Variants in MACROH2A2 observed in about 807,000 individuals in gnomAD.
The protein encoded by MACROH2A2 is core histone macro-H2A.2.
Under a neutral mutation model 37.6 loss-of-function variants are expected in MACROH2A2, and 6 were observed. That is an observed-to-expected ratio of 0.16 (90% CI 0.09 to 0.32). The LOEUF (loss-of-function observed/expected upper bound fraction) is 0.32. MACROH2A2 is among the 10% of genes least tolerant of loss of function. The pLI is 1.00. For synonymous variants in MACROH2A2, 192 were observed against 202.7 expected (o/e 0.95, Z 0.45); for missense variants, 290 against 485.9 (o/e 0.60, Z 3.79).
intron 1 of MACROH2A2, among the ~76,000 whole-genome samples, chr10:70,069,254 A>G (rs1462997350): frequency 6.6e-6 from 1 of 152,182 alleles, no homozygotes; most frequent in African/African-American, 2.4e-5. Flanking sequence ...CAGCACACAC[A>G]AGACCAACGA....
At position 70,075,765 on chromosome 10, in the gene MACROH2A2, C is replaced by T. The variant is rs907364225; in HGVS notation, c.107C>T (p.Thr36Met). The T allele has an allele frequency of 3.1e-6, 5 of 1,613,818 alleles. No individual in the cohort carries two copies. Among genetic ancestry groups the T allele is most frequent in the African/African-American group, 1.3e-5 (1 of 74,896 alleles). Residue 36 changes from threonine to methionine, a missense_variant, in exon 2 of 9, where the codon ACG (threonine) becomes ATG (methionine). Physicochemically the swap from Thr to Met is moderately conservative, Grantham distance 81. Around this residue, in one of 3 missense-constraint regions of MACROH2A2, gnomAD observed 83 missense variants for 159.9 expected, o/e 0.52. Transcript: ENST00000373255. This position sits in a 1 kb window ranked among gnomAD's most constrained non-coding sequence, Gnocchi z 5.0. The part of the protein sequence containing the change: ...GRLMRYLKKG[T>M]FKYRISVGAP... ...CTGATGCGTTATCTGAAGAAAGGGACGTTCAAGTACCGGATCAGCGTGGGC... is the reference window on the plus strand; with the variant it reads ...CTGATGCGTTATCTGAAGAAAGGGATGTTCAAGTACCGGATCAGCGTGGGC...
chr10:70,091,477 A>G (rs2072244313), intron 3 of MACROH2A2, among the ~76,000 whole-genome samples: 1 of 152,064 alleles, frequency 6.6e-6, no homozygotes, highest in Non-Finnish European at 1.5e-5. Context: ...GCCGTTCGAG[A>G]CCAGCCTGGC....
intron 1 of MACROH2A2, among the ~76,000 whole-genome samples, chr10:70,069,728 G>A (rs1016090782): frequency 6.6e-6 from 1 of 151,712 alleles, no homozygotes; most frequent in African/African-American, 2.4e-5. Context: ...ATATTAGCCT[G>A]AAGAAAACAA....
At chr10:70,090,511 ACT>A (rs2072237989) in intron 3 of MACROH2A2, among the ~76,000 whole-genome samples, 1 of 152,012 alleles carries the variant, frequency 6.6e-6, no homozygotes, top group Non-Finnish European at 1.5e-5. Context: ...AAGGCAGAAG[ACT>A]CTTTATATTT....
intron 1 of MACROH2A2, among the ~76,000 whole-genome samples, chr10:70,056,385 C>T (rs540274264): frequency 6.6e-6 from 1 of 152,296 alleles, no homozygotes; most frequent in East Asian, 1.9e-4. Flanking sequence ...GTAGCTGGGA[C>T]TACAAGCTTG....
intron 2 of MACROH2A2, among the ~76,000 whole-genome samples, chr10:70,077,379 C>T (rs1264285433): frequency 2.0e-5 from 3 of 151,418 alleles, no homozygotes; most frequent in Non-Finnish European, 2.9e-5. Flanking sequence ...ACCAGCCTGG[C>T]CAATATGGTG....
At chr10:70,085,924 C>A (rs1374177147) in intron 2 of MACROH2A2, among the ~76,000 whole-genome samples, 1 of 152,130 alleles carries the variant, frequency 6.6e-6, no homozygotes. Context: ...TTTTATAGTT[C>A]ATGGGACTAT....
At chr10:70,085,274 C>A (rs1032468264) in intron 2 of MACROH2A2, among the ~76,000 whole-genome samples, 1 of 152,134 alleles carries the variant, frequency 6.6e-6, no homozygotes, top group Admixed American at 6.6e-5. Context: ...ACCTGTGAAG[C>A]CCCCAGGTGA....
At chr10:70,096,379 C>A (rs1451948961) in intron 6 of MACROH2A2, among the ~76,000 whole-genome samples, 1 of 152,114 alleles carries the variant, frequency 6.6e-6, no homozygotes, top group Non-Finnish European at 1.5e-5. Context: ...AATAGTGCTA[C>A]TATAAATATT....
At chr10:70,108,666 C>T (rs150773919) in intron 7 of MACROH2A2, among the ~76,000 whole-genome samples, 366 of 152,272 alleles carry the variant, frequency 2.4e-3, no homozygotes, top group Non-Finnish European at 3.7e-3. Flanking sequence ...GGGAGGAGGA[C>T]GTGGATGTTT....
rs1246931215 is a variant in MACROH2A2 at position 70,091,757 on chromosome 10, C to T, written c.280C>T (p.Leu94=). 6 of 1,612,036 alleles carry T rather than the reference C, an allele frequency of 3.7e-6. No individual in the cohort carries two copies. The South Asian group carries it at 5.5e-5, about 15-fold the overall frequency. ...AVANDEELNQ[L]LKGVTIASGG... ...TGAGCGCATGCATTTCTCTCTTCAG[C>T]TGCTAAAAGGAGTGACCATCGCCAG... is the stretch of plus-strand genomic sequence containing the variant. Residue 94 remains leucine (L), a splice_region_variant and synonymous_variant, in exon 4 of 9, where the codon CTG becomes TTG. Coordinates refer to ENST00000373255, the MANE Select transcript of MACROH2A2 (RefSeq NM_018649.3).
intron 7 of MACROH2A2, among the ~76,000 whole-genome samples, chr10:70,105,652 T>G (rs16927300): frequency 0.07 from 10,707 of 151,876 alleles, 545 homozygotes; most frequent in East Asian, 0.22. Flanking sequence ...TTTAAGGACC[T>G]TGGCTCCAGC....
intron 3 of MACROH2A2, among the ~76,000 whole-genome samples, chr10:70,090,887 A>T (rs1393398823): frequency 2.6e-5 from 4 of 152,260 alleles, no homozygotes; most frequent in African/African-American, 9.6e-5. Context: ...GGTAACTACC[A>T]GTTCATGGGT....
Position 70,075,793 on chromosome 10 carries a change from C to G in MACROH2A2, c.135C>G (p.Ala45=), listed in dbSNP as rs750381701. The change falls in exon 2 of 9, where the codon GCC becomes GCG. Residue 45 remains alanine (A), a synonymous_variant. Coordinates refer to ENST00000373255, the MANE Select transcript of MACROH2A2 (RefSeq NM_018649.3). The surrounding 1 kb of genome is among the most constrained non-coding windows in gnomAD (Gnocchi z 5.0). ...GTFKYRISVG[A]PVYMAAVIEY... is the part of the protein sequence containing the mutation. ...TCAAGTACCGGATCAGCGTGGGCGC[C>G]CCTGTCTACATGGCGGCAGTCATTG... The G allele has an allele frequency of 3.7e-6, 6 of 1,613,696 alleles. No homozygotes were observed. The highest frequency in any genetic ancestry group is 5.1e-6 in the Non-Finnish European group (6 of 1,180,026).
chr10:70,074,674 C>T (rs1326519404), intron 1 of MACROH2A2, among the ~76,000 whole-genome samples: 1 of 152,124 alleles, frequency 6.6e-6, no homozygotes, highest in Non-Finnish European at 1.5e-5. Context: ...ATAAGTCTCA[C>T]GAGATCTGAT....
In MACROH2A2 at chr10:70,111,292, A is replaced by T. The variant is rs561271188; in HGVS notation, c.954-226A>T. On this transcript the variant is annotated intron_variant, in intron 8 of 8. Coordinates refer to ENST00000373255, the MANE Select transcript of MACROH2A2 (RefSeq NM_018649.3). The stretch of plus-strand genomic sequence containing the variant: ...CCAAAACAAATAAATTAATTTAATC[A>T]AATTAAATCATTGTGCCTCTCCGAG... Among the ~76,000 whole-genome samples the T allele has an allele frequency of 1.2e-3, 183 of 152,258 alleles. 1 individual carries two copies. Among genetic ancestry groups the T allele is most frequent in the African/African-American group, 4.1e-3 (169 of 41,560 alleles).
chr10:70,073,055 G>A (rs979640164), intron 1 of MACROH2A2, among the ~76,000 whole-genome samples: 10 of 152,126 alleles, frequency 6.6e-5, no homozygotes, highest in Admixed American at 6.5e-4. Context: ...GGTCATTGTG[G>A]GGTGCATGAC....
intron 1 of MACROH2A2, among the ~76,000 whole-genome samples, chr10:70,056,966 T>G (rs2072021995): frequency 6.6e-6 from 1 of 152,102 alleles, no homozygotes; most frequent in Non-Finnish European, 1.5e-5. Context: ...AGGAGTGTAG[T>G]GAAATCTTGA....
intron 2 of MACROH2A2, among the ~76,000 whole-genome samples, chr10:70,083,951 G>T (rs753747373): frequency 3.3e-5 from 5 of 151,860 alleles, no homozygotes; most frequent in Admixed American, 6.6e-5. Flanking sequence ...GTAGCGTTTT[G>T]TATGTGCTGA....
Sources: gnomAD v4.1 joint callset for allele counts (sites outside exome capture counted in the v4.1 genomes callset) on GRCh38, gnomAD v4.1.1 for gene constraint, gnomAD v4.1.1 regional missense constraint, Gnocchi (gnomAD v3.1) non-coding constraint, MANE v1.5 for transcripts, NCBI Gene and HGNC (gene_info 2026-07-23, HGNC 2026-07-21) for gene names.